MEGF11: variants seen among roughly 807,000 people sequenced by gnomAD.
The protein encoded by MEGF11 is multiple epidermal growth factor-like domains protein 11.
Under a neutral mutation model 146.6 loss-of-function variants are expected in MEGF11, and 126 were observed. The ratio of observed to expected loss-of-function variants is 0.86; its 90% CI spans 0.74 to 1.00. MEGF11 has a LOEUF of 1.00. Ranked by LOEUF, MEGF11 falls within the 50% of genes least tolerant of loss-of-function variation. MEGF11 has a pLI of 0.00. For synonymous variants in MEGF11, 532 were observed against 583.4 expected (o/e 0.91, Z 1.27); for missense variants, 1,509 against 1,521.2 (o/e 0.99, Z 0.13).
chr15:65,912,659 G>A (rs144469283), intron 20 of MEGF11, among the ~76,000 whole-genome samples: 120 of 152,290 alleles, frequency 7.9e-4, no homozygotes, highest in African/African-American at 2.8e-3. Context: ...CAGAGGAATG[G>A]CATAGGAAAC....
At position 65,994,649 on chromosome 15, in the gene MEGF11, C is replaced by A. The variant is rs181535647; in HGVS notation, c.395-12161G>T. On this transcript the variant is annotated intron_variant, in intron 5 of 25. Transcript: ENST00000395614. ...CAGCCGAGAGTCAGCCAGAAGGGGG[C>A]CGTGGGCCAGGGGCAGGAGGGACCT... Among the ~76,000 whole-genome samples, 30 of 152,236 alleles carry A rather than the reference C, an allele frequency of 2.0e-4. No individual in the cohort carries two copies. The East Asian group carries it at 4.3e-3, about 22-fold the overall frequency.
chr15:66,089,993 G>C (rs979013910), intron 5 of MEGF11, among the ~76,000 whole-genome samples: 2 of 152,154 alleles, frequency 1.3e-5, no homozygotes, highest in African/African-American at 4.8e-5. Context: ...TCCCCATAGT[G>C]GTCCATCTAA....
chr15:66,062,844 G>A (rs1267636221), intron 5 of MEGF11, among the ~76,000 whole-genome samples: 1 of 152,230 alleles, frequency 6.6e-6, no homozygotes, highest in African/African-American at 2.4e-5. Context: ...ACCCTATGGA[G>A]GTCAGCATAG....
At chr15:66,046,280 C>T (rs1018061502) in intron 5 of MEGF11, among the ~76,000 whole-genome samples, 1 of 152,152 alleles carries the variant, frequency 6.6e-6, no homozygotes, top group Non-Finnish European at 1.5e-5. Flanking sequence ...CAGCCCTTAA[C>T]GTACACCCAG....
intron 10 of MEGF11, among the ~76,000 whole-genome samples, chr15:65,943,067 AC>A (rs2141385771): frequency 1.5e-5 from 2 of 135,544 alleles, no homozygotes; most frequent in African/African-American, 5.6e-5. Flanking sequence ...GCTCACTGCA[AC>A]CACCGCCCCC....
At chr15:65,964,355 C>T (rs1315236762) in intron 9 of MEGF11, among the ~76,000 whole-genome samples, 1 of 152,242 alleles carries the variant, frequency 6.6e-6, no homozygotes, top group Non-Finnish European at 1.5e-5. Context: ...GTTGTTCCTG[C>T]TCCTCTAGCC....
chr15:65,932,141 C>G (rs938643825), intron 10 of MEGF11, among the ~76,000 whole-genome samples: 12 of 152,216 alleles, frequency 7.9e-5, no homozygotes, highest in Non-Finnish European at 7.3e-5. Context: ...GGCACAGTTA[C>G]AGTAACTTCT....
At chr15:65,960,277 T>G (rs1175651750) in intron 9 of MEGF11, among the ~76,000 whole-genome samples, 1 of 152,264 alleles carries the variant, frequency 6.6e-6, no homozygotes, top group African/African-American at 2.4e-5. Context: ...TCTATTTTAT[T>G]TATAAACAGA....
intron 4 of MEGF11, among the ~76,000 whole-genome samples, chr15:66,117,895 C>G (rs894287060): frequency 6.6e-5 from 10 of 152,148 alleles, no homozygotes; most frequent in Non-Finnish European, 1.0e-4. Context: ...TTGGAGGGTA[C>G]ATTTTTCATT....
At chr15:66,157,489 G>T (rs2089802595) in intron 1 of MEGF11, among the ~76,000 whole-genome samples, 1 of 152,204 alleles carries the variant, frequency 6.6e-6, no homozygotes, top group South Asian at 2.1e-4. Context: ...ATCTGGGGGT[G>T]GAGAGAAGGG....
At chr15:66,158,013 A>G (rs1268796293) in intron 1 of MEGF11, among the ~76,000 whole-genome samples, 1 of 152,174 alleles carries the variant, frequency 6.6e-6, no homozygotes, top group African/African-American at 2.4e-5. Flanking sequence ...GCCCCTTGAA[A>G]TGTTTTGTTC....
Position 66,023,867 on chromosome 15 carries a change from C to T in MEGF11, c.395-41379G>A, listed in dbSNP as rs372081609. The stretch of plus-strand genomic sequence containing the variant: ...CTGCCGAGAAAGACTTGAGGCTAGA[C>T]TGGCAGCCAAGGATGGGGTTGGGGA... On this transcript the variant is annotated intron_variant, in intron 5 of 25. Coordinates refer to ENST00000395614, the MANE Select transcript of MEGF11 (RefSeq NM_001385028.1). 3.5e-3 allele frequency among the ~76,000 whole-genome samples: 539 copies of T among 152,298 alleles called. 6 individuals carry two copies. The highest frequency in any genetic ancestry group is 0.012 in the African/African-American group (500 of 41,552).
At chr15:66,126,673 G>A (rs1251822480) in intron 2 of MEGF11, among the ~76,000 whole-genome samples, 1 of 152,140 alleles carries the variant, frequency 6.6e-6, no homozygotes, top group Non-Finnish European at 1.5e-5. Flanking sequence ...CTGTGAGGCA[G>A]CAGAGACAGT....
chr15:66,024,413 G>T (rs923912179), intron 5 of MEGF11, among the ~76,000 whole-genome samples: 2 of 152,238 alleles, frequency 1.3e-5, no homozygotes, highest in African/African-American at 4.8e-5. Context: ...GGACACTGAG[G>T]CTTGGAAAGA....
intron 3 of MEGF11, among the ~76,000 whole-genome samples, chr15:66,122,936 A>G (rs2088114603): frequency 6.6e-6 from 1 of 151,614 alleles, no homozygotes; most frequent in African/African-American, 2.4e-5. Context: ...GGCGCCCACC[A>G]CCACGCCCGG....
chr15:66,064,244 G>A (rs1382806112), intron 5 of MEGF11, among the ~76,000 whole-genome samples: 1 of 151,988 alleles, frequency 6.6e-6, no homozygotes, highest in African/African-American at 2.4e-5. Flanking sequence ...TGGCGCACGT[G>A]TGTAATCCCA....
intron 1 of MEGF11, among the ~76,000 whole-genome samples, chr15:66,251,390 T>G (rs1321778723): frequency 6.6e-6 from 1 of 152,170 alleles, no homozygotes; most frequent in East Asian, 1.9e-4. Flanking sequence ...CTCACTTCCT[T>G]GACTACAAAA....
chr15:66,043,895 AG>A (rs2084092334), intron 5 of MEGF11, among the ~76,000 whole-genome samples: 1 of 152,250 alleles, frequency 6.6e-6, no homozygotes, highest in South Asian at 2.1e-4. Context: ...TGCCTGGGCA[AG>A]GGGGAAAGGG....
chr15:66,196,281 G>A (rs961137611), intron 1 of MEGF11, among the ~76,000 whole-genome samples: 6 of 152,090 alleles, frequency 3.9e-5, no homozygotes, highest in Admixed American at 2.0e-4. Flanking sequence ...AGTCCAGCCT[G>A]GCCAACATGC....
Sources: allele counts gnomAD v4.1 joint callset (sites outside exome capture counted in the v4.1 genomes callset), GRCh38; gene constraint gnomAD v4.1.1; transcripts MANE v1.5; gene names NCBI Gene and HGNC (gene_info 2026-07-23, HGNC 2026-07-21).